KCNQ5: variants seen among roughly 807,000 people sequenced by gnomAD.
KCNQ5 encodes potassium voltage-gated channel subfamily Q member 5, also known as potassium voltage-gated channel subfamily KQT member 5.
A neutral mutation model predicts 98.2 loss-of-function variants in KCNQ5; 30 were observed. The ratio of observed to expected loss-of-function variants is 0.31; its 90% CI spans 0.23 to 0.41. KCNQ5 has a LOEUF of 0.41. Among genes scored for constraint, KCNQ5 ranks in the 10% least tolerant of loss-of-function variants. The pLI is 1.00. For synonymous variants in KCNQ5, 458 were observed against 449.4 expected (o/e 1.02, Z -0.24); for missense variants, 835 against 1,182.5 (o/e 0.71, Z 4.31).
chr6:73,015,222 A>G (rs1282605661), intron 2 of KCNQ5, among the ~76,000 whole-genome samples: 3 of 152,108 alleles, frequency 2.0e-5, no homozygotes, highest in Non-Finnish European at 4.4e-5. Flanking sequence ...AGAATATCCC[A>G]ATGAACATTG....
At chr6:72,824,536 G>A (rs1194641490) in intron 1 of KCNQ5, among the ~76,000 whole-genome samples, 1 of 152,002 alleles carries the variant, frequency 6.6e-6, no homozygotes, top group Non-Finnish European at 1.5e-5. Flanking sequence ...AAATTAACCT[G>A]CCTTTCAATT....
chr6:72,640,900 A>T (rs1400722097), intron 1 of KCNQ5: 1 of 152,172 alleles, frequency 6.6e-6, no homozygotes, highest in Admixed American at 6.6e-5. Context: ...TAATAAATGA[A>T]TATTGACATT....
At chr6:73,087,409 G>A (rs1342390915) in intron 5 of KCNQ5, among the ~76,000 whole-genome samples, 1 of 150,816 alleles carries the variant, frequency 6.6e-6, no homozygotes, top group Admixed American at 6.6e-5. Context: ...GAATATATTT[G>A]GTAGAAATAA....
chr6:73,020,908 GTGCCCACACA>G (rs936790660), intron 2 of KCNQ5, among the ~76,000 whole-genome samples: 2 of 149,030 alleles, frequency 1.3e-5, no homozygotes, highest in African/African-American at 5.2e-5. Context: ...TCCCTTAAAG[GTGCCCACACA>G]TGCACACACA....
At chr6:73,060,978 T>A (rs1398893453) in intron 3 of KCNQ5, among the ~76,000 whole-genome samples, 1 of 152,182 alleles carries the variant, frequency 6.6e-6, no homozygotes, top group Non-Finnish European at 1.5e-5. Flanking sequence ...CATTTACTCT[T>A]TGACCCAGGA....
rs530312131 is a variant in KCNQ5, at chr6:72,692,430, T to C, written c.398+69843T>C. ...ATTATCAAGGTTCATGCAACTGATC[T>C]GTTTCATTGCATGTATTTGAATGTC... On this transcript the variant is annotated intron_variant, in intron 1 of 13. Coordinates refer to ENST00000370398, the MANE Select transcript of KCNQ5 (RefSeq NM_019842.4). Among the ~76,000 whole-genome samples, 3 of 152,370 alleles carry C rather than the reference T, an allele frequency of 2.0e-5. No individual in the cohort carries two copies. In the East Asian group the frequency reaches 5.8e-4, roughly 29 times the overall value.
At chr6:72,977,356 T>C (rs930911127) in intron 1 of KCNQ5, among the ~76,000 whole-genome samples, 5 of 152,172 alleles carry the variant, frequency 3.3e-5, no homozygotes, top group African/African-American at 1.2e-4. Flanking sequence ...CATGTTATTA[T>C]GTTACAGCAT....
chr6:72,887,418 C>A (rs1441758470), intron 1 of KCNQ5, among the ~76,000 whole-genome samples: 1 of 152,126 alleles, frequency 6.6e-6, no homozygotes, highest in East Asian at 1.9e-4. Context: ...TCACCTCCCA[C>A]CATGACACGT....
chr6:72,830,118 T>C (rs1282067829), intron 1 of KCNQ5, among the ~76,000 whole-genome samples: 1 of 152,166 alleles, frequency 6.6e-6, no homozygotes, highest in Admixed American at 6.5e-5. Context: ...TCCATGCTCA[T>C]GGATAGGAAG....
At chr6:72,723,012 G>T (rs1163199643) in intron 1 of KCNQ5, among the ~76,000 whole-genome samples, 1 of 151,902 alleles carries the variant, frequency 6.6e-6, no homozygotes, top group Non-Finnish European at 1.5e-5. Flanking sequence ...ACTACACCCA[G>T]CTAATTTCTG....
chr6:72,656,848 G>C (rs1289017485), intron 1 of KCNQ5, among the ~76,000 whole-genome samples: 1 of 152,066 alleles, frequency 6.6e-6, no homozygotes, highest in Non-Finnish European at 1.5e-5. Flanking sequence ...ATTAGACTCT[G>C]TCCCTAGGTG....
At position 72,686,725 on chromosome 6, in the gene KCNQ5, T is replaced by G. The variant is rs1042510578; in HGVS notation, c.398+64138T>G. 2.2e-4 allele frequency among the ~76,000 whole-genome samples: 33 copies of G among 150,962 alleles called. 1 individual carries two copies. Among genetic ancestry groups the G allele is most frequent in the South Asian group, 8.3e-4 (4 of 4,802 alleles). On this transcript the variant is annotated intron_variant, in intron 1 of 13. Transcript: ENST00000370398. ...GAGAATCTTTATGGGTTGTTTTTTT[T>G]TTTTTTTTTTTTACTTTTAAGTCTT...
intron 8 of KCNQ5, among the ~76,000 whole-genome samples, chr6:73,122,732 T>C (rs1284125612): frequency 6.6e-6 from 1 of 152,212 alleles, no homozygotes; most frequent in Non-Finnish European, 1.5e-5. Context: ...GAGAATGTGA[T>C]GGAAATTATG....
chr6:73,033,614 GT>G (rs1771249167), intron 2 of KCNQ5, among the ~76,000 whole-genome samples: 1 of 152,100 alleles, frequency 6.6e-6, no homozygotes, highest in African/African-American at 2.4e-5. Context: ...GACACTGTCT[GT>G]CAAAACTACC....
At position 72,782,710 on chromosome 6, in the gene KCNQ5, A is replaced by G. The variant is rs544546688; in HGVS notation, c.398+160123A>G. On this transcript the variant is annotated intron_variant, in intron 1 of 13. Transcript: ENST00000370398. ...CATAACACCAGGTTATGATAAAACC[A>G]TAATACCTGGTTTTTTATCATAACA... is the stretch of plus-strand genomic sequence containing the variant. Among the ~76,000 whole-genome samples, 443 of 152,208 alleles carry G rather than the reference A, an allele frequency of 2.9e-3. 1 individual carries two copies. The highest frequency in any genetic ancestry group is 0.01 in the African/African-American group (416 of 41,522).
intron 1 of KCNQ5, among the ~76,000 whole-genome samples, chr6:72,859,236 CT>C (rs1777658972): frequency 1.3e-5 from 2 of 151,972 alleles, no homozygotes; most frequent in South Asian, 4.1e-4. Context: ...TAATAATAAA[CT>C]TTTCCTTTTA....
intron 1 of KCNQ5, among the ~76,000 whole-genome samples, chr6:72,866,115 G>A (rs1247741733): frequency 1.3e-5 from 2 of 152,120 alleles, no homozygotes; most frequent in Non-Finnish European, 2.9e-5. Context: ...AACTTGCCCA[G>A]AGGTCACATA....
At chr6:73,008,356 T>A (rs1163699530) in intron 2 of KCNQ5, among the ~76,000 whole-genome samples, 1 of 152,162 alleles carries the variant, frequency 6.6e-6, no homozygotes, top group African/African-American at 2.4e-5. Flanking sequence ...GTGTATATGC[T>A]TAGTACAAGA....
Position 73,196,852 on chromosome 6 carries a change from G to A in KCNQ5, c.*1438G>A, listed in dbSNP as rs1765804725. On this transcript the variant is annotated 3_prime_UTR_variant, in exon 14 of 14. Transcript: ENST00000370398. ...AAATGACAAATGTATTTATCAGAAAGCAAGCAATGCTGACTGCTTGTTAGA... is the reference window on the plus strand; with the variant it reads ...AAATGACAAATGTATTTATCAGAAAACAAGCAATGCTGACTGCTTGTTAGA... 2 of 152,144 alleles carry A rather than the reference G, an allele frequency of 1.3e-5. No homozygotes were observed. Among genetic ancestry groups the A allele is most frequent in the Middle Eastern group, 6.8e-3 (2 of 294 alleles). 9.4% of individuals were successfully genotyped at this position (152,144 alleles called of 1,614,324 possible). A position where few individuals can be genotyped will look rare whatever the true frequency, so the allele number is the denominator to read the frequency against.
Sources: gnomAD v4.1 joint callset for allele counts (sites outside exome capture counted in the v4.1 genomes callset) on GRCh38, gnomAD v4.1.1 for gene constraint, MANE v1.5 for transcripts, NCBI Gene and HGNC (gene_info 2026-07-23, HGNC 2026-07-21) for gene names.